The following MYRFL variants were observed in gnomAD, a reference collection of about 807,000 sequenced individuals.
MYRFL encodes the protein myelin regulatory factor-like protein.
In MYRFL, 88 loss-of-function variants were observed where a neutral mutation model predicts 109.4. The ratio of observed to expected loss-of-function variants is 0.80; its 90% confidence interval spans 0.68 to 0.96. MYRFL has a LOEUF of 0.96. Among genes scored for constraint, MYRFL ranks in the 40% least tolerant of loss-of-function variants. The pLI, the probability that MYRFL is intolerant of heterozygous loss-of-function variation, is 0.00. For synonymous variants in MYRFL, 324 were observed against 320.9 expected, an observed-to-expected ratio of 1.01 and a Z score of -0.10; for missense variants, 957 against 954.9, an observed-to-expected ratio of 1.00 and a Z score of -0.03.
At chr12:69,955,576 G>A (rs548858882) in intron 22 of MYRFL, 139 bp downstream of exon 22, 38 of 471,718 alleles carry the variant, frequency 8.1e-5, no homozygotes, top group African/African-American at 7.4e-4. Flanking sequence ...TTGAGAGGTG[G>A]CCTATTTGAA....
intron 19 of MYRFL, among the ~76,000 whole-genome samples, chr12:69,944,428 G>C (rs1253520060): frequency 9.7e-5 from 14 of 143,724 alleles, no homozygotes; most frequent in African/African-American, 2.9e-4. Context: ...GTAAACTATC[G>C]CAAGAACAAA....
At chr12:69,830,545 G>A (rs1565957360) in intron 1 of MYRFL, among the ~76,000 whole-genome samples, 1 of 151,582 alleles carries the variant, frequency 6.6e-6, no homozygotes, top group Non-Finnish European at 1.5e-5. Flanking sequence ...GTTCATCTGT[G>A]CAGCAGCCTC....
At chr12:69,880,657 A>G (rs1386939322) in intron 5 of MYRFL, among the ~76,000 whole-genome samples, 1 of 152,196 alleles carries the variant, frequency 6.6e-6, no homozygotes, top group East Asian at 1.9e-4. Context: ...CTCAACCTTA[A>G]TGTGCAAGAA....
intron 1 of MYRFL, among the ~76,000 whole-genome samples, chr12:69,829,246 C>T (rs981437230): frequency 6.6e-6 from 1 of 152,006 alleles, no homozygotes; most frequent in Non-Finnish European, 1.5e-5. Flanking sequence ...CATTTTCTGC[C>T]CCTGTCTCGC....
chr12:69,898,546 T>C (rs971825750), intron 10 of MYRFL, among the ~76,000 whole-genome samples: 1 of 152,208 alleles, frequency 6.6e-6, no homozygotes, highest in Non-Finnish European at 1.5e-5. Flanking sequence ...TTTGACATCT[T>C]ATTTGATGTA....
chr12:69,866,422 C>G (rs575527686), intron 2 of MYRFL, among the ~76,000 whole-genome samples: 1 of 152,222 alleles, frequency 6.6e-6, no homozygotes, highest in South Asian at 2.1e-4. Flanking sequence ...ATCTGTACAA[C>G]CTGTTCAAAT....
chr12:69,926,132 T>C, intron 13 of MYRFL, among the ~76,000 whole-genome samples: 1 of 133,862 alleles, frequency 7.5e-6, no homozygotes, highest in Non-Finnish European at 1.5e-5. Flanking sequence ...TTTTTTTTTT[T>C]TTTTTTTTTG....
intron 1 of MYRFL, among the ~76,000 whole-genome samples, chr12:69,849,764 C>T (rs541863169): frequency 3.6e-4 from 55 of 151,834 alleles, no homozygotes; most frequent in African/African-American, 1.3e-3. Flanking sequence ...ATCATTTTAC[C>T]CAAAGTTGTA....
At chr12:69,935,798 TTCC>T (rs763528510) in intron 16 of MYRFL, among the ~76,000 whole-genome samples, 9 of 152,186 alleles carry the variant, frequency 5.9e-5, no homozygotes, top group Non-Finnish European at 1.3e-4. Context: ...ACTTACATGC[TTCC>T]TCTTGTAATC....
rs1000747545 is a variant in MYRFL, at chr12:69,879,465, G to T, written c.464+12G>T. 4 of 697,364 alleles carry T rather than the reference G, an allele frequency of 5.7e-6. No homozygotes were observed. The highest frequency in any genetic ancestry group is 1.5e-5 in the South Asian group (1 of 67,120). 43.2% of individuals were successfully genotyped at this position (697,364 alleles called of 1,614,324 possible). A position where few individuals can be genotyped will look rare whatever the true frequency, so the allele number is the denominator to read the frequency against. ...TGTCACAGCCCTGGGTAAAGAAAAA[G>T]ATATTTAGTTATCAAAGACCTTTGC... On this transcript the variant is annotated intron_variant, in intron 4 of 24. Transcript: ENST00000552032.
chr12:69,834,144 T>C (rs1216741310), intron 1 of MYRFL, among the ~76,000 whole-genome samples: 1 of 152,160 alleles, frequency 6.6e-6, no homozygotes, highest in African/African-American at 2.4e-5. Flanking sequence ...GCAGTATAAA[T>C]ATTAACTCTT....
At chr12:69,906,114 G>T (rs952165804) in intron 11 of MYRFL, among the ~76,000 whole-genome samples, 1 of 152,122 alleles carries the variant, frequency 6.6e-6, no homozygotes, top group Non-Finnish European at 1.5e-5. Context: ...ACTACAATTG[G>T]GGAAAATGGA....
intron 9 of MYRFL, among the ~76,000 whole-genome samples, chr12:69,895,958 C>A (rs1253233279): frequency 6.6e-6 from 1 of 152,154 alleles, no homozygotes; most frequent in Non-Finnish European, 1.5e-5. Flanking sequence ...TGCGAGTTCT[C>A]GGGCCTTACT....
intron 13 of MYRFL, among the ~76,000 whole-genome samples, chr12:69,917,181 C>T (rs1418574833): frequency 6.6e-6 from 1 of 152,128 alleles, no homozygotes; most frequent in Non-Finnish European, 1.5e-5. Context: ...GTCCCTGAAT[C>T]ACTTGGTTTC....
chr12:69,951,675 G>T (rs1032955257), intron 19 of MYRFL, among the ~76,000 whole-genome samples: 2 of 152,082 alleles, frequency 1.3e-5, no homozygotes, highest in South Asian at 2.1e-4. Flanking sequence ...TGATCTGCCC[G>T]CCTTGGCCTC....
intron 2 of MYRFL, among the ~76,000 whole-genome samples, chr12:69,864,469 C>T (rs1405278498): frequency 1.3e-5 from 2 of 152,126 alleles, no homozygotes; most frequent in African/African-American, 4.8e-5. Context: ...GCAAATACCC[C>T]TACCCTCCTA....
At chr12:69,829,247 CCT>C (rs1882472344) in intron 1 of MYRFL, among the ~76,000 whole-genome samples, 1 of 152,028 alleles carries the variant, frequency 6.6e-6, no homozygotes, top group African/African-American at 2.4e-5. Flanking sequence ...ATTTTCTGCC[CCT>C]GTCTCGCTGC....
chr12:69,847,859 G>GA (rs1286948288), intron 1 of MYRFL, among the ~76,000 whole-genome samples: 3 of 152,044 alleles, frequency 2.0e-5, no homozygotes, highest in Non-Finnish European at 4.4e-5. Context: ...CATGTAGTCT[G>GA]AAAAAATCAA....
intron 19 of MYRFL, among the ~76,000 whole-genome samples, chr12:69,939,448 G>T (rs1234387791): frequency 6.6e-6 from 1 of 151,960 alleles, no homozygotes; most frequent in Non-Finnish European, 1.5e-5. Flanking sequence ...ACCTCACACG[G>T]CAGGGTACTC....
Sources: allele counts gnomAD v4.1 joint callset (sites outside exome capture counted in the v4.1 genomes callset), GRCh38; gene constraint gnomAD v4.1.1; transcripts MANE v1.5; gene names NCBI Gene and HGNC (gene_info 2026-07-23, HGNC 2026-07-21).